Variants in CCDC91 observed in about 807,000 individuals in gnomAD.
The protein encoded by CCDC91 is coiled-coil domain-containing protein 91.
A neutral mutation model predicts 63.2 loss-of-function variants in CCDC91; 48 were observed. The observed-to-expected ratio is 0.76, with a 90% CI of 0.60 to 0.97. The LOEUF (loss-of-function observed/expected upper bound fraction) is 0.97, where lower values mean the gene tolerates loss of function less well. Ranked by LOEUF, CCDC91 falls within the 50% of genes least tolerant of loss-of-function variation. CCDC91 has a pLI of 0.00. For missense variants in CCDC91, 500 were observed against 494.6 expected (o/e 1.01, Z -0.10); for synonymous variants, 167 against 165.8 (o/e 1.01, Z -0.06).
chr12:28,510,978 A>G (rs1376546137), intron 12 of CCDC91, among the ~76,000 whole-genome samples: 3 of 151,866 alleles, frequency 2.0e-5, no homozygotes, highest in Admixed American at 2.0e-4. Flanking sequence ...GCACAAACCA[A>G]AATCCTAGAA....
chr12:28,434,738 A>T (rs939955751), intron 8 of CCDC91, among the ~76,000 whole-genome samples: 1 of 151,270 alleles, frequency 6.6e-6, no homozygotes, highest in African/African-American at 2.4e-5. Flanking sequence ...ATTTGATAGA[A>T]TTCACCAAAC....
chr12:28,400,492 C>T (rs1315086355), intron 8 of CCDC91, among the ~76,000 whole-genome samples: 3 of 152,076 alleles, frequency 2.0e-5, no homozygotes, highest in Non-Finnish European at 4.4e-5. Context: ...ACATTTGGCT[C>T]CTTGTTACTT....
At chr12:28,523,803 G>A (rs1368600095) in intron 12 of CCDC91, among the ~76,000 whole-genome samples, 2 of 152,116 alleles carry the variant, frequency 1.3e-5, no homozygotes, top group Non-Finnish European at 2.9e-5. Context: ...TTGCTTGTCT[G>A]TAAAGGATTT....
intron 3 of CCDC91, among the ~76,000 whole-genome samples, chr12:28,275,754 A>C (rs1177558588): frequency 2.0e-5 from 3 of 152,284 alleles, no homozygotes; most frequent in South Asian, 2.1e-4. Context: ...CCAGCAGCAC[A>C]TCAAAAAGCT....
At chr12:28,519,052 T>G (rs534869677) in intron 12 of CCDC91, among the ~76,000 whole-genome samples, 1 of 151,978 alleles carries the variant, frequency 6.6e-6, no homozygotes, top group African/African-American at 2.4e-5. Context: ...CCATATGAAT[T>G]TGGGGATAGT....
intron 8 of CCDC91, among the ~76,000 whole-genome samples, chr12:28,427,901 G>A (rs1948414071): frequency 6.6e-6 from 1 of 152,014 alleles, no homozygotes; most frequent in African/African-American, 2.4e-5. Flanking sequence ...CAAACTTTAA[G>A]CCTTTTCTTA....
chr12:28,279,093 C>A (rs1168948593), intron 3 of CCDC91, among the ~76,000 whole-genome samples: 1 of 151,720 alleles, frequency 6.6e-6, no homozygotes, highest in Non-Finnish European at 1.5e-5. Flanking sequence ...TCTTACCTTT[C>A]CTCTCTTGCA....
At chr12:28,352,881 C>T (rs191145698) in intron 6 of CCDC91, among the ~76,000 whole-genome samples, 1 of 152,256 alleles carries the variant, frequency 6.6e-6, no homozygotes, top group Admixed American at 6.5e-5. Flanking sequence ...CTGCATTAGC[C>T]CCTAACAAGA....
At chr12:28,503,386 T>TA (rs1938234388) in intron 12 of CCDC91, among the ~76,000 whole-genome samples, 1 of 152,162 alleles carries the variant, frequency 6.6e-6, no homozygotes, top group Non-Finnish European at 1.5e-5. Context: ...CACAATGAGA[T>TA]ACCACCTCAC....
At chr12:28,304,199 A>G (rs1938394759) in intron 3 of CCDC91, among the ~76,000 whole-genome samples, 1 of 151,650 alleles carries the variant, frequency 6.6e-6, no homozygotes, top group Admixed American at 6.6e-5. Flanking sequence ...CAACATGGTG[A>G]AACCCCATCT....
At chr12:28,413,157 C>T (rs1464955176) in intron 8 of CCDC91, among the ~76,000 whole-genome samples, 1 of 151,964 alleles carries the variant, frequency 6.6e-6, no homozygotes, top group East Asian at 1.9e-4. Flanking sequence ...GAACTCAGAA[C>T]CACCTCTTGA....
intron 8 of CCDC91, among the ~76,000 whole-genome samples, chr12:28,419,632 G>C (rs535144111): frequency 1.3e-5 from 2 of 152,250 alleles, no homozygotes; most frequent in South Asian, 4.1e-4. Context: ...ATCAGTAATA[G>C]AGGATAACCA....
chr12:28,207,758 G>A lies in CCDC91; in HGVS notation c.-15+17117G>A, dbSNP rs1185944601. On this transcript the variant is annotated intron_variant, in intron 1 of 12. Coordinates refer to ENST00000536442, the MANE Select transcript of CCDC91 (RefSeq NM_018318.5). ...GATCATTTTATCTTTTCCGTGATGA[G>A]TCATGGAATGCAGAACTTTTAATAA... Among the ~76,000 whole-genome samples the A allele has an allele frequency of 2.0e-5, 3 of 152,224 alleles. No homozygotes were observed. The East Asian group carries it at 5.8e-4, about 29-fold the overall frequency.
intron 11 of CCDC91, among the ~76,000 whole-genome samples, chr12:28,464,773 G>A (rs73085993): frequency 0.022 from 3,342 of 152,180 alleles, 69 homozygotes; most frequent in African/African-American, 0.049. Context: ...TCCCAGCTGT[G>A]GTGGCTAAAG....
At chr12:28,198,330 A>T (rs552671376) in intron 1 of CCDC91, among the ~76,000 whole-genome samples, 1 of 152,362 alleles carries the variant, frequency 6.6e-6, no homozygotes, top group Non-Finnish European at 1.5e-5. Flanking sequence ...ATCTATGAAT[A>T]TGCTTCACTG....
intron 8 of CCDC91, among the ~76,000 whole-genome samples, chr12:28,429,116 T>C (rs1948494017): frequency 3.9e-5 from 6 of 152,152 alleles, no homozygotes; most frequent in Admixed American, 3.3e-4. Context: ...GCAAACCAGA[T>C]GATTGGTGTG....
At chr12:28,356,038 A>G (rs1402383261) in intron 6 of CCDC91, among the ~76,000 whole-genome samples, 1 of 151,496 alleles carries the variant, frequency 6.6e-6, no homozygotes, top group Admixed American at 6.6e-5. Flanking sequence ...TTTTTCTTCC[A>G]TTTTATATTT....
At chr12:28,359,517 A>G (rs955137065) in intron 6 of CCDC91, among the ~76,000 whole-genome samples, 1 of 152,200 alleles carries the variant, frequency 6.6e-6, no homozygotes, top group African/African-American at 2.4e-5. Flanking sequence ...TTAATCAGAT[A>G]AGTTTAAAAA....
chr12:28,518,254 G>C (rs545110634), intron 12 of CCDC91, among the ~76,000 whole-genome samples: 2 of 152,100 alleles, frequency 1.3e-5, no homozygotes, highest in East Asian at 3.9e-4. Context: ...CTCACTAGCA[G>C]TGTAGAAGTG....
Sources: allele counts gnomAD v4.1 joint callset (sites outside exome capture counted in the v4.1 genomes callset), GRCh38; gene constraint gnomAD v4.1.1; transcripts MANE v1.5; gene names NCBI Gene and HGNC (gene_info 2026-07-23, HGNC 2026-07-21).